PDE11A: variants seen among roughly 807,000 people sequenced by gnomAD.
The protein encoded by PDE11A is phosphodiesterase 11A.
A neutral mutation model predicts 100.5 loss-of-function variants in PDE11A; 100 were observed. The observed-to-expected ratio is 1.00, with a 90% CI of 0.85 to 1.18. PDE11A has a LOEUF of 1.18. Ranked by LOEUF, PDE11A falls within the 50% of genes most tolerant of loss-of-function variation. PDE11A has a pLI of 0.00. For synonymous variants in PDE11A, 381 were observed against 420.8 expected (o/e 0.91, Z 1.16); for missense variants, 1,141 against 1,152.6 (o/e 0.99, Z 0.15).
chr2:178,069,488 C>G (rs1310496926), intron 1 of PDE11A, among the ~76,000 whole-genome samples: 1 of 152,074 alleles, frequency 6.6e-6, no homozygotes, highest in Non-Finnish European at 1.5e-5. Flanking sequence ...GGGTAAATTC[C>G]CAACCCATAC....
chr2:178,028,623 T>C (rs1163688140), intron 1 of PDE11A, among the ~76,000 whole-genome samples: 1 of 152,214 alleles, frequency 6.6e-6, no homozygotes, highest in Non-Finnish European at 1.5e-5. Context: ...CTTAGAACTG[T>C]TCTCTTGTCT....
intron 9 of PDE11A, among the ~76,000 whole-genome samples, chr2:177,792,748 G>C (rs1367121148): frequency 6.6e-6 from 1 of 152,188 alleles, no homozygotes; most frequent in African/African-American, 2.4e-5. Flanking sequence ...GATCAGATTA[G>C]ATTTGAGTAA....
intron 6 of PDE11A, among the ~76,000 whole-genome samples, chr2:177,837,391 G>A (rs2083421029): frequency 6.6e-6 from 1 of 152,052 alleles, no homozygotes; most frequent in South Asian, 2.1e-4. Context: ...CTGTAACTAC[G>A]TGGGAGTGCT....
intron 12 of PDE11A, among the ~76,000 whole-genome samples, chr2:177,726,597 A>C (rs2081602489): frequency 6.6e-6 from 1 of 151,926 alleles, no homozygotes; most frequent in Non-Finnish European, 1.5e-5. Context: ...TTGTAGAAAA[A>C]CTGGCACTAG....
chr2:178,032,195 C>T (rs2105841742), intron 1 of PDE11A, among the ~76,000 whole-genome samples: 1 of 152,278 alleles, frequency 6.6e-6, no homozygotes, highest in South Asian at 2.1e-4. Flanking sequence ...AAACTAAATA[C>T]TTAATATGAA....
chr2:178,026,278 ATATGT>A (rs1177756869), intron 1 of PDE11A, among the ~76,000 whole-genome samples: 2 of 152,176 alleles, frequency 1.3e-5, no homozygotes, highest in African/African-American at 4.8e-5. Context: ...AGTCATAGTG[ATATGT>A]TATATTTTAA....
intron 9 of PDE11A, among the ~76,000 whole-genome samples, chr2:177,770,505 C>T (rs2082296990): frequency 6.6e-6 from 1 of 152,320 alleles, no homozygotes; most frequent in South Asian, 2.1e-4. Flanking sequence ...TATGACACGG[C>T]CTTGGTCAAT....
intron 5 of PDE11A, among the ~76,000 whole-genome samples, chr2:177,862,190 A>C (rs1435833104): frequency 2.0e-5 from 3 of 151,900 alleles, no homozygotes; most frequent in Admixed American, 2.0e-4. Flanking sequence ...AAAGTATACC[A>C]AAAACTCCAA....
chr2:177,662,867 G>C (rs997361762), intron 19 of PDE11A, among the ~76,000 whole-genome samples: 1 of 152,076 alleles, frequency 6.6e-6, no homozygotes, highest in Non-Finnish European at 1.5e-5. Flanking sequence ...TCTGTGACAG[G>C]GCTCAGCAGT....
chr2:177,804,352 A>G (rs1472368926), intron 9 of PDE11A, among the ~76,000 whole-genome samples: 2 of 152,054 alleles, frequency 1.3e-5, no homozygotes, highest in African/African-American at 4.8e-5. Flanking sequence ...TAATCATCAG[A>G]GAAATTCAAA....
At chr2:177,728,345 T>C (rs2081633969) in intron 10 of PDE11A, among the ~76,000 whole-genome samples, 173 bp from the exon 11 acceptor site, 1 of 115,980 alleles carries the variant, frequency 8.6e-6, no homozygotes, top group African/African-American at 3.3e-5. Flanking sequence ...GAACTGCAAA[T>C]GCCCCAAGCA....
chr2:177,729,337 G>A (rs933481953), intron 10 of PDE11A, among the ~76,000 whole-genome samples: 2 of 146,166 alleles, frequency 1.4e-5, no homozygotes, highest in Non-Finnish European at 3.1e-5. Flanking sequence ...GGAACTTCCC[G>A]CATTTCTCCA....
At chr2:178,039,393 G>C (rs924978391) in intron 1 of PDE11A, among the ~76,000 whole-genome samples, 2 of 152,154 alleles carry the variant, frequency 1.3e-5, no homozygotes, top group Non-Finnish European at 2.9e-5. Flanking sequence ...TGGAGGGTGA[G>C]AGGAGGGAGA....
chr2:177,928,718 C>A (rs1390082044), intron 2 of PDE11A, among the ~76,000 whole-genome samples: 1 of 151,968 alleles, frequency 6.6e-6, no homozygotes. Context: ...TTTTAATTAT[C>A]TGGGGGTGGT....
At chr2:177,792,771 C>T (rs894642449) in intron 9 of PDE11A, among the ~76,000 whole-genome samples, 1 of 152,194 alleles carries the variant, frequency 6.6e-6, no homozygotes, top group Non-Finnish European at 1.5e-5. Context: ...CAGGGAATCA[C>T]ATCAATGCAG....
At chr2:177,850,730 T>C (rs1263499666) in intron 5 of PDE11A, among the ~76,000 whole-genome samples, 1 of 152,146 alleles carries the variant, frequency 6.6e-6, no homozygotes, top group Non-Finnish European at 1.5e-5. Flanking sequence ...GCGAAGGATA[T>C]GAACAGACAC....
At chr2:177,930,370 C>T (rs1044353444) in intron 2 of PDE11A, among the ~76,000 whole-genome samples, 1 of 151,814 alleles carries the variant, frequency 6.6e-6, no homozygotes, top group Non-Finnish European at 1.5e-5. Flanking sequence ...AGTAAACAAC[C>T]ATATTCAATA....
chr2:177,916,875 C>T (rs2105748815), intron 2 of PDE11A, among the ~76,000 whole-genome samples: 1 of 151,510 alleles, frequency 6.6e-6, no homozygotes, highest in South Asian at 2.1e-4. Flanking sequence ...ATTCTCCTGG[C>T]TCAGCCTCCC....
chr2:178,031,329 T>C (rs1189585725), intron 1 of PDE11A, among the ~76,000 whole-genome samples: 1 of 152,172 alleles, frequency 6.6e-6, no homozygotes, highest in African/African-American at 2.4e-5. Context: ...TGGAGGTTCT[T>C]GCACAGTAGG....
Sources: gnomAD v4.1 joint callset for allele counts (sites outside exome capture counted in the v4.1 genomes callset) on GRCh38, gnomAD v4.1.1 for gene constraint, MANE v1.5 for transcripts, NCBI Gene and HGNC (gene_info 2026-07-23, HGNC 2026-07-21) for gene names.